The following OPCML variants were observed in gnomAD, a reference collection of about 807,000 sequenced individuals.
OPCML encodes the protein opioid binding protein/cell adhesion molecule like.
A neutral mutation model predicts 37.8 loss-of-function variants in OPCML; 13 were observed. The observed-to-expected ratio is 0.34, with a 90% CI of 0.22 to 0.55. The LOEUF (loss-of-function observed/expected upper bound fraction) is 0.55, where lower values mean the gene tolerates loss of function less well. Among genes scored for constraint, OPCML ranks in the 20% least tolerant of loss-of-function variants. OPCML has a pLI of 0.91. For missense variants in OPCML, 341 were observed against 435.6 expected (o/e 0.78, Z 1.93); for synonymous variants, 176 against 168.8 (o/e 1.04, Z -0.33).
intron 3 of OPCML, among the ~76,000 whole-genome samples, chr11:132,535,003 C>T (rs564434593): frequency 8.0e-4 from 119 of 149,254 alleles, no homozygotes; most frequent in African/African-American, 2.5e-3. Context: ...TGGAGATATA[C>T]ACACACACAT....
intron 1 of OPCML, among the ~76,000 whole-genome samples, chr11:133,263,123 G>A (rs982258481): frequency 2.6e-5 from 4 of 151,864 alleles, no homozygotes; most frequent in Non-Finnish European, 4.4e-5. Context: ...ATGTGACCCC[G>A]CACAAATAAC....
intron 1 of OPCML, chr11:133,024,412 A>G: frequency 5.1e-6 from 5 of 985,220 alleles, no homozygotes; most frequent in Non-Finnish European, 3.6e-6. Flanking sequence ...AGATTTAGAC[A>G]TGGAGGAATT....
intron 1 of OPCML, among the ~76,000 whole-genome samples, chr11:133,434,685 A>G (rs1037939019): frequency 2.6e-5 from 4 of 151,494 alleles, no homozygotes; most frequent in Non-Finnish European, 5.9e-5. Flanking sequence ...TGGGAGGGGG[A>G]AAAAGTTTCT....
chr11:132,616,001 C>G (rs1938985500), intron 3 of OPCML, among the ~76,000 whole-genome samples: 1 of 152,174 alleles, frequency 6.6e-6, no homozygotes, highest in Admixed American at 6.5e-5. Context: ...AGAAGCAGGT[C>G]TGTTTATGAC....
At chr11:132,887,618 T>C (rs1010242190) in intron 2 of OPCML, among the ~76,000 whole-genome samples, 12 of 152,172 alleles carry the variant, frequency 7.9e-5, no homozygotes, top group Non-Finnish European at 1.3e-4. Flanking sequence ...TTTGGGAGTA[T>C]CTAAACAAGA....
At chr11:132,672,508 T>G (rs905160623) in intron 2 of OPCML, among the ~76,000 whole-genome samples, 2 of 152,116 alleles carry the variant, frequency 1.3e-5, no homozygotes, top group African/African-American at 4.8e-5. Context: ...AATCAAACAC[T>G]TCCATCTCCC....
chr11:133,262,312 G>A (rs1941519932), intron 1 of OPCML, among the ~76,000 whole-genome samples: 1 of 152,274 alleles, frequency 6.6e-6, no homozygotes, highest in African/African-American at 2.4e-5. Context: ...CATTCAGAAT[G>A]CTTAGAAACA....
chr11:132,562,947 G>C (rs903732922), intron 3 of OPCML, among the ~76,000 whole-genome samples: 1 of 152,204 alleles, frequency 6.6e-6, no homozygotes, highest in African/African-American at 2.4e-5. Context: ...AGCAAGTGTA[G>C]ATAGAGGTCA....
At chr11:133,355,017 C>A (rs1326453579) in intron 1 of OPCML, among the ~76,000 whole-genome samples, 1 of 152,184 alleles carries the variant, frequency 6.6e-6, no homozygotes, top group Non-Finnish European at 1.5e-5. Context: ...CTACTAGGTG[C>A]ACAAACGTCT....
In OPCML at chr11:132,985,750, A is replaced by T. The variant is rs956405447; in HGVS notation, c.62-42740T>A. ...TATACAGGGTACCTGCACTAGGTCC[A>T]TCTTACAATTCGGCCTATCACACCT... On this transcript the variant is annotated intron_variant, in intron 1 of 7. Coordinates refer to ENST00000524381, the MANE Select transcript of OPCML (RefSeq NM_001012393.5). Among the ~76,000 whole-genome samples the T allele has an allele frequency of 4.6e-5, 7 of 152,210 alleles. 1 individual carries two copies. The highest frequency in any genetic ancestry group is 4.6e-4 in the Admixed American group (7 of 15,286).
In OPCML at chr11:132,943,083, A is replaced by G. The variant is rs779434220; in HGVS notation, c.62-73T>C. The G allele has an allele frequency of 1.5e-5, 25 of 1,614,124 alleles. No homozygotes were observed. The Admixed American group carries it at 4.0e-4, about 26-fold the overall frequency. On this transcript the variant is annotated intron_variant, in intron 1 of 7. Transcript: ENST00000524381. This position sits in a 1 kb window ranked among gnomAD's most constrained non-coding sequence, Gnocchi z 4.3. Reference sequence around the variant, plus strand: ...TTCCAGGGCAGGAACAGGTACCCACAGACCCCCATTCTCGACAGCCACAAC... The same window carrying G: ...TTCCAGGGCAGGAACAGGTACCCACGGACCCCCATTCTCGACAGCCACAAC...
Position 133,285,115 on chromosome 11 carries a change from C to A in OPCML, c.61+247149G>T, listed in dbSNP as rs141884366. On this transcript the variant is annotated intron_variant, in intron 1 of 7. Coordinates refer to ENST00000524381, the MANE Select transcript of OPCML (RefSeq NM_001012393.5). ...ATGAGGAAGGGAAATAAGGAGAATT[C>A]TAGATGAGAACCCAAGACACGGAAG... 1.1e-4 allele frequency among the ~76,000 whole-genome samples: 17 copies of A among 152,152 alleles called. No individual in the cohort carries two copies. The East Asian group carries it at 2.9e-3, about 26-fold the overall frequency.
At chr11:133,490,797 C>G (rs950765138) in intron 1 of OPCML, among the ~76,000 whole-genome samples, 2 of 152,180 alleles carry the variant, frequency 1.3e-5, no homozygotes, top group Non-Finnish European at 2.9e-5. Context: ...AAATGGCTGT[C>G]CTCATGGCTT....
At chr11:132,741,864 T>TA (rs199920599) in intron 2 of OPCML, among the ~76,000 whole-genome samples, 1,839 of 151,248 alleles carry the variant, frequency 0.012, 31 homozygotes, top group African/African-American at 0.041. Context: ...CCGTCTCTAC[T>TA]AAAAAAAACA....
At chr11:132,879,043 T>C (rs1197077797) in intron 2 of OPCML, among the ~76,000 whole-genome samples, 2 of 152,216 alleles carry the variant, frequency 1.3e-5, no homozygotes, top group African/African-American at 4.8e-5. Flanking sequence ...ACAACATTTT[T>C]CAGTATGTCC....
chr11:133,420,783 T>G, intron 1 of OPCML: 2 of 985,420 alleles, frequency 2.0e-6, no homozygotes, highest in Non-Finnish European at 2.4e-6. Context: ...AAATTCAATT[T>G]TTCCCAATAT....
At chr11:133,014,153 C>T (rs1947272802) in intron 1 of OPCML, among the ~76,000 whole-genome samples, 1 of 152,134 alleles carries the variant, frequency 6.6e-6, no homozygotes, top group East Asian at 1.9e-4. Context: ...AATTGTTGCC[C>T]CTAGAGAATC....
chr11:133,105,323 C>T (rs564264358), intron 1 of OPCML, among the ~76,000 whole-genome samples: 182 of 152,116 alleles, frequency 1.2e-3, no homozygotes, highest in Non-Finnish European at 2.2e-3. Flanking sequence ...GCTTCATTAA[C>T]GAGGTTATGC....
intron 1 of OPCML, among the ~76,000 whole-genome samples, chr11:133,062,409 G>A (rs539622863): frequency 3.9e-5 from 6 of 152,254 alleles, no homozygotes; most frequent in Admixed American, 1.3e-4. Flanking sequence ...TCTGACTGGC[G>A]TTACCACTAT....
Sources: gnomAD v4.1 joint callset for allele counts (sites outside exome capture counted in the v4.1 genomes callset) on GRCh38, gnomAD v4.1.1 for gene constraint, Gnocchi (gnomAD v3.1) non-coding constraint, MANE v1.5 for transcripts, NCBI Gene and HGNC (gene_info 2026-07-23, HGNC 2026-07-21) for gene names.